MGAM: variants seen among roughly 807,000 people sequenced by gnomAD.
MGAM encodes maltase-glucoamylase.
In MGAM, 253 loss-of-function variants were observed where a neutral mutation model predicts 358.8. The ratio of observed to expected loss-of-function variants is 0.71; its 90% CI spans 0.64 to 0.78. The LOEUF is 0.78. Ranked by LOEUF, MGAM falls within the 30% of genes least tolerant of loss-of-function variation. MGAM has a pLI of 0.00. For synonymous variants in MGAM, 1,105 were observed against 1,227.1 expected, an observed-to-expected ratio of 0.90 and a Z score of 2.08; for missense variants, 3,080 against 3,432.6, an observed-to-expected ratio of 0.90 and a Z score of 2.57.
At chr7:142,018,636 A>C (rs1554457081) in intron 3 of MGAM, among the ~76,000 whole-genome samples, 2 of 152,208 alleles carry the variant, frequency 1.3e-5, no homozygotes, top group Non-Finnish European at 2.9e-5. Context: ...TAGAAGGCAC[A>C]CACCTTTCTT....
At position 142,088,399 on chromosome 7, in the gene MGAM, G is replaced by GTATC. The variant is rs369423739; in HGVS notation, c.6810+1698_6810+1701dup. 6.1e-3 allele frequency among the ~76,000 whole-genome samples: 888 copies of GTATC among 144,782 alleles called. 40 individuals carry two copies. Among genetic ancestry groups the GTATC allele is most frequent in the African/African-American group, 0.02 (828 of 40,940 alleles). The allele number at this position is 144,782 out of a possible 152,430, so 95.0% of individuals were successfully genotyped here. On this transcript the variant is annotated intron_variant, in intron 57 of 70. Coordinates refer to ENST00000475668, the MANE Select transcript of MGAM (RefSeq NM_001365693.1). ...TTTCCTTATGTCTACTACTGAACAAGTATCTATCTATCTATCTATGTATAT... is the reference window on the plus strand; with the variant it reads ...TTTCCTTATGTCTACTACTGAACAAGTATCTATCTATCTATCTATCTATGTATAT...
At chr7:142,008,479 G>A in intron 2 of MGAM, 27 bp from the exon 3 acceptor site, 3 of 1,575,670 alleles carry the variant, frequency 1.9e-6, no homozygotes, top group South Asian at 2.3e-5. Flanking sequence ...TTGTCTAATG[G>A]TCTTTTTATG....
chr7:142,028,184 G>A (rs1383354485), intron 10 of MGAM, among the ~76,000 whole-genome samples: 1 of 152,070 alleles, frequency 6.6e-6, no homozygotes, highest in Non-Finnish European at 1.5e-5. Context: ...AAGTGTCATG[G>A]CAGGGACTTA....
At position 142,106,093 on chromosome 7, in the gene MGAM, A is replaced by G; in HGVS notation, c.*202A>G. ...GGATAGGCAGTTAGGGAGGTGTGGA[A>G]AATCTATGCATTACCTTAATGTCTC... is the stretch of plus-strand genomic sequence containing the variant. On this transcript the variant is annotated 3_prime_UTR_variant, in exon 71 of 71. Coordinates refer to ENST00000475668, the MANE Select transcript of MGAM (RefSeq NM_001365693.1). 2.1e-6 allele frequency: 1 copy of G among 485,944 alleles called. No individual in the cohort carries two copies. Among genetic ancestry groups the G allele is most frequent in the East Asian group, 3.7e-5 (1 of 27,258 alleles). 30.1% of individuals were successfully genotyped at this position (485,944 alleles called of 1,614,324 possible).
intron 21 of MGAM, 139 bp downstream of exon 21, chr7:142,040,985 C>T (rs1808473667): frequency 4.8e-6 from 5 of 1,046,956 alleles, no homozygotes; most frequent in Non-Finnish European, 5.3e-6. Flanking sequence ...CACCAAAAGT[C>T]TCTTCCCTTG....
At chr7:142,017,732 G>C (rs1806086046) in intron 3 of MGAM, among the ~76,000 whole-genome samples, 1 of 152,042 alleles carries the variant, frequency 6.6e-6, no homozygotes. Context: ...ACCACATATG[G>C]ACATCGTTGT....
At chr7:142,052,099 A>G (rs1171895442) in intron 24 of MGAM, among the ~76,000 whole-genome samples, 195 bp from the exon 25 acceptor site, 3 of 152,088 alleles carry the variant, frequency 2.0e-5, no homozygotes, top group Non-Finnish European at 4.4e-5. Context: ...GCTAGAGGGG[A>G]GACATTTGAC....
intron 48 of MGAM, 121 bp downstream of exon 48, chr7:142,078,591 C>A: frequency 8.6e-7 from 1 of 1,157,414 alleles, no homozygotes. Context: ...TCCTAAGGGA[C>A]ATGATCTGGA....
rs762364464 is a variant in MGAM, at chr7:142,076,206, C to T, written c.5279C>T (p.Thr1760Ile). The change falls in exon 46 of 71, where the codon ACT becomes ATT. Residue 1760 changes from threonine (T) to isoleucine (I), a missense_variant. Thr to Ile is a moderately conservative substitution (Grantham distance 89). Coordinates refer to ENST00000475668, the MANE Select transcript of MGAM (RefSeq NM_001365693.1). Reference sequence around the variant, plus strand: ...CTTGTCTTTCTGTCACTTTCAGATACTGTGGCCAAGAAAGTATATCTTTTA... The same window carrying T: ...CTTGTCTTTCTGTCACTTTCAGATATTGTGGCCAAGAAAGTATATCTTTTA... Reference protein sequence around the residue: ...LFWDDGQTKDTVAKKVYLLCE... With the variant: ...LFWDDGQTKDIVAKKVYLLCE... 1.2e-5 allele frequency: 18 copies of T among 1,545,936 alleles called. 3 individuals carry two copies. The highest frequency in any genetic ancestry group is 1.7e-4 in the Middle Eastern group (1 of 5,958).
At position 142,106,020 on chromosome 7, in the gene MGAM, G is replaced by A. The variant is rs1054319883; in HGVS notation, c.*129G>A. The A allele has an allele frequency of 5.3e-6, 4 of 759,156 alleles. No homozygotes were observed. The highest frequency in any genetic ancestry group is 8.6e-6 in the Non-Finnish European group (4 of 463,768). The allele number at this position is 759,156 out of a possible 1,614,324, so 47.0% of individuals were successfully genotyped here. A position where few individuals can be genotyped will look rare whatever the true frequency, so the allele number is the denominator to read the frequency against. Reference sequence around the variant, plus strand: ...TTGGTGAAATATTTCTGTTAATTTTGTTATATGTTTTTTGTGTGAACCCTA... The same window carrying A: ...TTGGTGAAATATTTCTGTTAATTTTATTATATGTTTTTTGTGTGAACCCTA... On this transcript the variant is annotated 3_prime_UTR_variant, in exon 71 of 71. Coordinates refer to ENST00000475668, the MANE Select transcript of MGAM (RefSeq NM_001365693.1).
rs573145045 is a variant in MGAM at position 142,059,583 on chromosome 7, C to T, written c.3931C>T (p.Arg1311Trp). The T allele has an allele frequency of 7.7e-5, 124 of 1,611,562 alleles. No homozygotes were observed. The highest frequency in any genetic ancestry group is 2.3e-4 in the Admixed American group (14 of 59,756). Residue 1311 changes from arginine (R) to tryptophan (W), a missense_variant, in exon 32 of 71, where the codon CGG becomes TGG. This residue lies in a region of MGAM where 1,816 missense variants were observed against 1,840.5 expected (regional missense o/e 0.99). Coordinates refer to ENST00000475668, the MANE Select transcript of MGAM (RefSeq NM_001365693.1). ...CAATCGCATGAAGGCTGATGGGATGCGGGTCATCCTCATTCTGGTTAGTCC... is the reference window on the plus strand; with the variant it reads ...CAATCGCATGAAGGCTGATGGGATGTGGGTCATCCTCATTCTGGTTAGTCC... ...LINRMKADGM[R>W]VILILDPAIS...
intron 10 of MGAM, 27 bp from the exon 11 acceptor site, chr7:142,030,335 A>G: frequency 1.2e-6 from 2 of 1,608,558 alleles, no homozygotes; most frequent in South Asian, 1.1e-5. Flanking sequence ...CCTAGGTGCT[A>G]ATTGTGGACT....
chr7:142,060,363 G>C lies in MGAM; in HGVS notation c.4112G>C (p.Ser1371Thr). The change falls in exon 34 of 71, where the codon AGC becomes ACC. Residue 1371 changes from serine to threonine, a missense_variant. This residue lies in a region of MGAM where 1,816 missense variants were observed against 1,840.5 expected (regional missense o/e 0.99). Transcript: ENST00000475668. Reference protein sequence around the residue: ...VVVNGSLDWDSQVELYRAYVA... With the variant: ...VVVNGSLDWDTQVELYRAYVA... The stretch of plus-strand genomic sequence containing the variant: ...GTGAATGGGTCTCTAGACTGGGACA[G>C]CCAAGTGGAGGTAAAAGGGTGTTTG... 1 of 1,614,064 alleles carries C rather than the reference G, an allele frequency of 6.2e-7. No individual in the cohort carries two copies. Among genetic ancestry groups the C allele is most frequent in the Non-Finnish European group, 8.5e-7 (1 of 1,179,874 alleles).
intron 7 of MGAM, among the ~76,000 whole-genome samples, chr7:142,023,016 C>T (rs1806606792): frequency 6.6e-6 from 1 of 152,000 alleles, no homozygotes; most frequent in South Asian, 2.1e-4. Context: ...ACATTGTTTT[C>T]TGGATTTGGC....
rs561740268 is a variant in MGAM, at chr7:142,066,743, C to G, written c.4919+22C>G. On this transcript the variant is annotated intron_variant, in intron 41 of 70. Coordinates refer to ENST00000475668, the MANE Select transcript of MGAM (RefSeq NM_001365693.1). ...ATGAGTGAGTGTCCAGCAGGGATCCCGATGACTAATGGATGACTTATTGCA... is the reference window on the plus strand; with the variant it reads ...ATGAGTGAGTGTCCAGCAGGGATCCGGATGACTAATGGATGACTTATTGCA... The G allele has an allele frequency of 2.6e-6, 4 of 1,546,344 alleles. No homozygotes were observed. The South Asian group carries it at 4.5e-5, about 18-fold the overall frequency.
rs188651523 is a variant in MGAM, at chr7:142,087,343, T to G, written c.6810+626T>G. ...TGGATCCAAGTAGCCCATGCTTCTGTACCTGAATTTTTTTCCAGATTCACT... is the reference window on the plus strand; with the variant it reads ...TGGATCCAAGTAGCCCATGCTTCTGGACCTGAATTTTTTTCCAGATTCACT... On this transcript the variant is annotated intron_variant, in intron 57 of 70. Coordinates refer to ENST00000475668, the MANE Select transcript of MGAM (RefSeq NM_001365693.1). Among the ~76,000 whole-genome samples the G allele has an allele frequency of 2.0e-4, 29 of 146,052 alleles. 2 individuals are homozygous for G. The highest frequency in any genetic ancestry group is 8.3e-4 in the Admixed American group (12 of 14,464).
rs771831942 is a variant in MGAM at position 142,040,121 on chromosome 7, G to C, written c.2323G>C (p.Glu775Gln). The C allele has an allele frequency of 1.9e-6, 3 of 1,611,892 alleles. No individual in the cohort carries two copies. The highest frequency in any genetic ancestry group is 2.5e-6 in the Non-Finnish European group (3 of 1,178,574). ...TACATTTTTTTAATTTCAGGGTGCA[G>C]AGAAAGTGATGGCATATGTGCCTGA... ...LITPVLDEGA[E>Q]KVMAYVPDAV... The change falls in exon 20 of 71, where the codon GAG becomes CAG. Residue 775 changes from glutamate (E) to glutamine (Q), a missense_variant. Around this residue, in one of 5 missense-constraint regions of MGAM, gnomAD observed 1,816 missense variants for 1,840.5 expected, o/e 0.99. Transcript: ENST00000475668.
intron 44 of MGAM, among the ~76,000 whole-genome samples, chr7:142,071,900 G>A (rs1796489663): frequency 6.8e-6 from 1 of 146,152 alleles, no homozygotes; most frequent in Admixed American, 6.9e-5. Context: ...TCATGCCTTT[G>A]AGAGTATTAA....
At chr7:142,004,620 G>C (rs1464128655) in intron 1 of MGAM, 1 of 151,964 alleles carries the variant, frequency 6.6e-6, no homozygotes, top group Non-Finnish European at 1.5e-5. Flanking sequence ...TAAAAGCCCA[G>C]TCTTCACCAC....
Sources: allele counts gnomAD v4.1 joint callset (sites outside exome capture counted in the v4.1 genomes callset), GRCh38; gene constraint gnomAD v4.1.1; regional missense constraint gnomAD v4.1.1; transcripts MANE v1.5; gene names NCBI Gene and HGNC (gene_info 2026-07-23, HGNC 2026-07-21).